The following MLLT1 variants were observed in gnomAD, a reference collection of about 807,000 sequenced individuals.
MLLT1 encodes the protein MLLT1 super elongation complex subunit, also known as protein ENL.
In MLLT1, 11 loss-of-function variants were observed where a neutral mutation model predicts 55.1. That is an observed-to-expected ratio of 0.20 (90% CI 0.13 to 0.33). MLLT1 has a LOEUF of 0.33. Among genes scored for constraint, MLLT1 ranks in the 10% least tolerant of loss-of-function variants. The probability of loss-of-function intolerance (pLI) is 1.00; values close to 1 mark genes in which losing one functional copy is unlikely to be tolerated. For missense variants in MLLT1, 536 were observed against 760.6 expected (o/e 0.70, Z 3.47); for synonymous variants, 323 against 320.1 (o/e 1.01, Z -0.10).
chr19:6,234,818 G>A (rs1568282892), intron 3 of MLLT1, among the ~76,000 whole-genome samples: 1 of 152,042 alleles, frequency 6.6e-6, no homozygotes, highest in African/African-American at 2.4e-5. Context: ...AAAAGGGGGC[G>A]GGAGAATCTA....
chr19:6,241,196 C>A (rs1349542528), intron 3 of MLLT1, among the ~76,000 whole-genome samples: 1 of 152,206 alleles, frequency 6.6e-6, no homozygotes, highest in East Asian at 1.9e-4. Context: ...AGGACAGCCT[C>A]TCTCTACCCT....
rs958638337 is a variant in MLLT1, at chr19:6,256,570, C to T, written c.276+5658G>A. On this transcript the variant is annotated intron_variant, in intron 3 of 11. Coordinates refer to ENST00000252674, the MANE Select transcript of MLLT1 (RefSeq NM_005934.4). The surrounding 1 kb of genome is among the most constrained non-coding windows in gnomAD (Gnocchi z 4.1). Reference sequence around the variant, plus strand: ...GAGATCGAGACCATCCTGGCTAACACGGTGAAACCTGGTCTCTACTACAAA... The same window carrying T: ...GAGATCGAGACCATCCTGGCTAACATGGTGAAACCTGGTCTCTACTACAAA... 1.1e-4 allele frequency among the ~76,000 whole-genome samples: 17 copies of T among 152,034 alleles called. No individual in the cohort carries two copies. Among genetic ancestry groups the T allele is most frequent in the Non-Finnish European group, 2.4e-4 (16 of 68,010 alleles).
In MLLT1 at chr19:6,211,899, G is replaced by C. The variant is rs1441580601; in HGVS notation, c.*1143C>G. Reference sequence around the variant, plus strand: ...AGCATGAATTGCGGCGGTGGAGGCCGGGGCGGGCCAGGCCGCGACCAGAGA... The same window carrying C: ...AGCATGAATTGCGGCGGTGGAGGCCCGGGCGGGCCAGGCCGCGACCAGAGA... On this transcript the variant is annotated 3_prime_UTR_variant, in exon 12 of 12. Transcript: ENST00000252674. The surrounding 1 kb of genome is among the most constrained non-coding windows in gnomAD (Gnocchi z 4.6). 1 of 1,064,346 alleles carries C rather than the reference G, an allele frequency of 9.4e-7. No homozygotes were observed. Among genetic ancestry groups the C allele is most frequent in the Admixed American group, 5.3e-5 (1 of 18,724 alleles). 65.9% of individuals were successfully genotyped at this position (1,064,346 alleles called of 1,614,324 possible). A position where few individuals can be genotyped will look rare whatever the true frequency, so the allele number is the denominator to read the frequency against.
intron 3 of MLLT1, among the ~76,000 whole-genome samples, chr19:6,233,115 C>G (rs2091028135): frequency 6.6e-6 from 1 of 152,190 alleles, no homozygotes; most frequent in African/African-American, 2.4e-5. Flanking sequence ...AGGGGACAGA[C>G]CAAGGGGCTC....
rs2091254904 is a variant in MLLT1 at position 6,256,118 on chromosome 19, G to T, written c.276+6110C>A. On this transcript the variant is annotated intron_variant, in intron 3 of 11. Transcript: ENST00000252674. The surrounding 1 kb of genome is among the most constrained non-coding windows in gnomAD (Gnocchi z 4.1). ...TGTAATCCCAGCTATTCAGGAGGCTGAGGCAGGAGAATCGCTTGAACCTGG... is the reference window on the plus strand; with the variant it reads ...TGTAATCCCAGCTATTCAGGAGGCTTAGGCAGGAGAATCGCTTGAACCTGG... 1.3e-5 allele frequency among the ~76,000 whole-genome samples: 2 copies of T among 152,166 alleles called. No homozygotes were observed. The highest frequency in any genetic ancestry group is 4.1e-4 in the South Asian group (2 of 4,830).
chr19:6,218,350 G>C (rs1326936226), intron 6 of MLLT1, among the ~76,000 whole-genome samples: 2 of 152,244 alleles, frequency 1.3e-5, no homozygotes, highest in African/African-American at 4.8e-5. Context: ...CAGGGTACTG[G>C]GAGGGAGGCT....
chr19:6,278,935 A>G (rs1364872103), intron 1 of MLLT1, among the ~76,000 whole-genome samples: 2 of 152,024 alleles, frequency 1.3e-5, no homozygotes, highest in Admixed American at 6.5e-5. Flanking sequence ...AAGAGAGGGG[A>G]CACTCCAAAC....
At chr19:6,248,079 C>T (rs768473480) in intron 3 of MLLT1, among the ~76,000 whole-genome samples, 6 of 152,058 alleles carry the variant, frequency 3.9e-5, no homozygotes, top group Non-Finnish European at 7.4e-5. Context: ...TTAGCAGAGA[C>T]GGGGTGCCAT....
chr19:6,228,554 C>CCT (rs1394837233), intron 4 of MLLT1, among the ~76,000 whole-genome samples: 3 of 152,158 alleles, frequency 2.0e-5, no homozygotes, highest in African/African-American at 7.2e-5. Context: ...AAAGTCCTAC[C>CCT]CTCTCTCCCA....
At position 6,235,635 on chromosome 19, in the gene MLLT1, G is replaced by A. The variant is rs1476207185; in HGVS notation, c.277-4922C>T. Among the ~76,000 whole-genome samples the A allele has an allele frequency of 6.6e-6, 1 of 152,020 alleles. No homozygotes were observed. Among genetic ancestry groups the A allele is most frequent in the Admixed American group, 6.5e-5 (1 of 15,274 alleles). The stretch of plus-strand genomic sequence containing the variant: ...CAGCTGTGCACCCTGGCTGCACAGC[G>A]AGTCCAGCCGCTTCTCCCAAGCTCC... On this transcript the variant is annotated intron_variant, in intron 3 of 11. Transcript: ENST00000252674. The surrounding 1 kb of genome is among the most constrained non-coding windows in gnomAD (Gnocchi z 5.5).
rs749006744 is a variant in MLLT1 at position 6,213,716 on chromosome 19, G to GC, written c.1479+9dup. 27 of 1,580,792 alleles carry GC rather than the reference G, an allele frequency of 1.7e-5. No homozygotes were observed. The highest frequency in any genetic ancestry group is 3.4e-5 in the Admixed American group (2 of 59,344). On this transcript the variant is annotated intron_variant, in intron 10 of 11. Transcript: ENST00000252674. ...GTAGCCTCCCCGCCTTGTCGTAGGT[G>GC]CCCCCCCACCTTGTCGTAGGTGCCC...
chr19:6,241,559 T>C (rs1362932904), intron 3 of MLLT1, among the ~76,000 whole-genome samples: 2 of 152,336 alleles, frequency 1.3e-5, no homozygotes, highest in East Asian at 3.9e-4. Flanking sequence ...GAGAAGGCAT[T>C]CTGGGCCTCT....
intron 3 of MLLT1, among the ~76,000 whole-genome samples, chr19:6,258,209 A>G (rs143610968): frequency 3.3e-4 from 50 of 152,294 alleles, no homozygotes; most frequent in Admixed American, 7.8e-4. Context: ...TCACAGCAGC[A>G]CTATTCCCCA....
chr19:6,247,196 G>T (rs1480640609), intron 3 of MLLT1, among the ~76,000 whole-genome samples: 1 of 152,160 alleles, frequency 6.6e-6, no homozygotes, highest in East Asian at 1.9e-4. Context: ...TAAAGGGTGG[G>T]GGTGGTTTCC....
chr19:6,243,055 G>T (rs1311415817), intron 3 of MLLT1, among the ~76,000 whole-genome samples: 1 of 152,244 alleles, frequency 6.6e-6, no homozygotes, highest in African/African-American at 2.4e-5. Flanking sequence ...CCTCAGAGAA[G>T]AGCTCCTGAG....
Position 6,227,191 on chromosome 19 carries a change from G to A in MLLT1, c.421-89C>T. 3 of 1,355,532 alleles carry A rather than the reference G, an allele frequency of 2.2e-6. No individual in the cohort carries two copies. The allele number at this position is 1,355,532 out of a possible 1,614,324, so 84.0% of individuals were successfully genotyped here. On this transcript the variant is annotated intron_variant, in intron 4 of 11. Transcript: ENST00000252674. The surrounding 1 kb of genome is among the most constrained non-coding windows in gnomAD (Gnocchi z 5.1). ...GCTGAAGGTGGTGGGGCTTCCCTCT[G>A]CAGGAGGGGAGAAGGGAGAGCCTGA...
At position 6,212,107 on chromosome 19, in the gene MLLT1, G is replaced by A. The variant is rs2090778969; in HGVS notation, c.*935C>T. 1 of 1,066,392 alleles carries A rather than the reference G, an allele frequency of 9.4e-7. No individual in the cohort carries two copies. The highest frequency in any genetic ancestry group is 1.1e-6 in the Non-Finnish European group (1 of 879,676). The allele number at this position is 1,066,392 out of a possible 1,614,324, so 66.1% of individuals were successfully genotyped here. On this transcript the variant is annotated 3_prime_UTR_variant, in exon 12 of 12. Transcript: ENST00000252674. ...AGACTTGAATGAAAGAGAGGAAGAG[G>A]AGCCTATGGGAGGAGGCCGAGCCCC...
intron 3 of MLLT1, chr19:6,259,626 G>A (rs1399088390): frequency 6.6e-6 from 1 of 152,120 alleles, no homozygotes; most frequent in African/African-American, 2.4e-5. Context: ...AACCACCCCA[G>A]GAAGAGAGGG....
chr19:6,220,254 G>A (rs2090884545), intron 6 of MLLT1, among the ~76,000 whole-genome samples: 1 of 152,230 alleles, frequency 6.6e-6, no homozygotes, highest in Non-Finnish European at 1.5e-5. Flanking sequence ...CCAGTGGTCT[G>A]GAAGGCCGAT....
Sources: allele counts gnomAD v4.1 joint callset (sites outside exome capture counted in the v4.1 genomes callset), GRCh38; gene constraint gnomAD v4.1.1; non-coding constraint Gnocchi (gnomAD v3.1); transcripts MANE v1.5; gene names NCBI Gene and HGNC (gene_info 2026-07-23, HGNC 2026-07-21).